DYNC2H1: variants seen among roughly 807,000 people sequenced by gnomAD.
DYNC2H1 encodes the protein dynein cytoplasmic 2 heavy chain 1, also known as cytoplasmic dynein 2 heavy chain 1.
A neutral mutation model predicts 570.0 loss-of-function variants in DYNC2H1; 410 were observed. The observed-to-expected ratio is 0.72, with a 90% CI of 0.66 to 0.78. DYNC2H1 has a LOEUF of 0.78. DYNC2H1 is among the 30% of genes least tolerant of loss of function. DYNC2H1 has a pLI of 0.00. For synonymous variants in DYNC2H1, 1,688 were observed against 1,677.6 expected (o/e 1.01, Z -0.15); for missense variants, 4,865 against 5,046.4 (o/e 0.96, Z 1.09).
At chr11:103,353,597 C>G (rs534146078) in intron 82 of DYNC2H1, among the ~76,000 whole-genome samples, 13 of 152,136 alleles carry the variant, frequency 8.5e-5, no homozygotes, top group Non-Finnish European at 1.5e-4. Flanking sequence ...TATAAAGATA[C>G]TTAGAATTAT....
chr11:103,469,463 G>A (rs531187876), intron 88 of DYNC2H1, among the ~76,000 whole-genome samples: 2 of 152,058 alleles, frequency 1.3e-5, no homozygotes, highest in African/African-American at 4.8e-5. Context: ...TTCATATATT[G>A]CTCACTACAA....
chr11:103,472,065 G>A lies in DYNC2H1; in HGVS notation c.12765+3360G>A, dbSNP rs1189117446. Reference sequence around the variant, plus strand: ...TGTAAATATATGCAGATAGAAAAGAGCTTAGGATATTCTGGGAACAGCAAG... The same window carrying A: ...TGTAAATATATGCAGATAGAAAAGAACTTAGGATATTCTGGGAACAGCAAG... On this transcript the variant is annotated intron_variant, in intron 88 of 88. Coordinates refer to ENST00000375735, the MANE Select transcript of DYNC2H1 (RefSeq NM_001377.3). This position sits in a 1 kb window ranked among gnomAD's most constrained non-coding sequence, Gnocchi z 4.1. 6.6e-6 allele frequency among the ~76,000 whole-genome samples: 1 copy of A among 152,200 alleles called. No homozygotes were observed.
At chr11:103,375,317 A>G (rs1236088544) in intron 83 of DYNC2H1, among the ~76,000 whole-genome samples, 4 of 152,192 alleles carry the variant, frequency 2.6e-5, no homozygotes, top group Non-Finnish European at 5.9e-5. Flanking sequence ...AACCTCTGCT[A>G]GGGCAGTGCA....
Position 103,465,703 on chromosome 11 carries a change from TCTCATACTGTAGGTAC to T in DYNC2H1, c.12649-2876_12649-2861del, listed in dbSNP as rs920067409. Reference sequence around the variant, plus strand: ...TGCTAGCTCAGTCCTTCACATGCCCTCTCATACTGTAGGTACCTCATACTGAGGTACCTCAGTCCTT... The same window carrying T: ...TGCTAGCTCAGTCCTTCACATGCCCTCTCATACTGAGGTACCTCAGTCCTT... On this transcript the variant is annotated intron_variant, in intron 87 of 88. Coordinates refer to ENST00000375735, the MANE Select transcript of DYNC2H1 (RefSeq NM_001377.3). This position sits in a 1 kb window ranked among gnomAD's most constrained non-coding sequence, Gnocchi z 4.9. Among the ~76,000 whole-genome samples the T allele has an allele frequency of 2.0e-5, 3 of 152,032 alleles. No individual in the cohort carries two copies. Among genetic ancestry groups the T allele is most frequent in the African/African-American group, 7.3e-5 (3 of 41,376 alleles).
chr11:103,290,474 C>A (rs753568029), intron 75 of DYNC2H1, among the ~76,000 whole-genome samples: 2 of 152,124 alleles, frequency 1.3e-5, no homozygotes, highest in Non-Finnish European at 2.9e-5. Context: ...ATCCACCTTT[C>A]TTTTGGTTGC....
At chr11:103,283,418 C>T (rs1380368475) in intron 73 of DYNC2H1, among the ~76,000 whole-genome samples, 1 of 152,140 alleles carries the variant, frequency 6.6e-6, no homozygotes, top group Admixed American at 6.6e-5. Context: ...CTGTGTTCTT[C>T]AACTACTCAG....
At chr11:103,246,909 C>G (rs549950502) in intron 65 of DYNC2H1, among the ~76,000 whole-genome samples, 2 of 152,034 alleles carry the variant, frequency 1.3e-5, no homozygotes, top group Non-Finnish European at 2.9e-5. Flanking sequence ...TACTTCTCTC[C>G]TACAAATTTA....
chr11:103,380,449 A>G (rs1305773117), intron 83 of DYNC2H1, among the ~76,000 whole-genome samples: 2 of 151,232 alleles, frequency 1.3e-5, no homozygotes, highest in Non-Finnish European at 3.0e-5. Flanking sequence ...ATACACACAC[A>G]AAAAAAGAGT....
intron 59 of DYNC2H1, among the ~76,000 whole-genome samples, chr11:103,230,697 T>G (rs1863971495): frequency 6.6e-6 from 1 of 152,202 alleles, no homozygotes; most frequent in African/African-American, 2.4e-5. Context: ...CATTTTAGCT[T>G]TTGGCTTTTT....
chr11:103,368,945 C>T (rs905519329), intron 83 of DYNC2H1, among the ~76,000 whole-genome samples: 2 of 152,230 alleles, frequency 1.3e-5, no homozygotes, highest in East Asian at 3.9e-4. Context: ...CTCCCCTCTA[C>T]CAACCCTGCA....
intron 31 of DYNC2H1, among the ~76,000 whole-genome samples, chr11:103,166,707 A>G (rs112347283): frequency 2.0e-5 from 3 of 152,124 alleles, no homozygotes; most frequent in African/African-American, 4.8e-5. Flanking sequence ...TTATTCTTCT[A>G]TAAGTAATAC....
chr11:103,463,529 C>T (rs1417456077), intron 87 of DYNC2H1, among the ~76,000 whole-genome samples: 1 of 152,136 alleles, frequency 6.6e-6, no homozygotes, highest in African/African-American at 2.4e-5. Flanking sequence ...GCAAGCAGAT[C>T]GCTTGAGCCC....
chr11:103,343,534 C>T (rs990419055), intron 82 of DYNC2H1, among the ~76,000 whole-genome samples: 1 of 152,078 alleles, frequency 6.6e-6, no homozygotes, highest in Non-Finnish European at 1.5e-5. Flanking sequence ...TTTAGGATCC[C>T]CCCTCAGGCA....
chr11:103,381,433 A>AT (rs1491143254), intron 83 of DYNC2H1, among the ~76,000 whole-genome samples: 3 of 151,892 alleles, frequency 2.0e-5, no homozygotes, highest in Non-Finnish European at 1.5e-5. Context: ...AATATCTTTT[A>AT]TTTATTTTAT....
chr11:103,322,826 G>A (rs1030812374), intron 81 of DYNC2H1, among the ~76,000 whole-genome samples: 11 of 152,128 alleles, frequency 7.2e-5, no homozygotes, highest in Non-Finnish European at 1.3e-4. Context: ...TGTTTCCCAC[G>A]ATAATACATG....
intron 83 of DYNC2H1, among the ~76,000 whole-genome samples, chr11:103,376,503 G>A (rs1591649003): frequency 6.6e-6 from 1 of 151,936 alleles, no homozygotes; most frequent in East Asian, 1.9e-4. Flanking sequence ...TCACCATAGG[G>A]CTAACATAAA....
chr11:103,118,002 G>T, intron 6 of DYNC2H1, 139 bp downstream of exon 6: 3 of 634,876 alleles, frequency 4.7e-6, no homozygotes, highest in East Asian at 6.1e-5. Flanking sequence ...TAAAGTTCTT[G>T]TTGGGCCAGT....
rs61340242 is a variant in DYNC2H1 at position 103,370,660 on chromosome 11, G to T, written c.12156+12301G>T. Among the ~76,000 whole-genome samples, 385 of 152,290 alleles carry T rather than the reference G, an allele frequency of 2.5e-3. 5 individuals are homozygous for T. In the East Asian group the frequency reaches 0.054, roughly 21 times the overall value. On this transcript the variant is annotated intron_variant, in intron 83 of 88. Transcript: ENST00000375735. ...TTTCATTGGGGTGAAAATAAGGGAA[G>T]AGAACAAGAGTCCCTGCCTGATAAT...
intron 84 of DYNC2H1, chr11:103,402,635 C>T (rs189153795): frequency 5.9e-5 from 9 of 152,070 alleles, no homozygotes; most frequent in Admixed American, 1.3e-4. Flanking sequence ...AAGACATAAG[C>T]CTGAATAAGG....
Sources: gnomAD v4.1 joint callset for allele counts (sites outside exome capture counted in the v4.1 genomes callset) on GRCh38, gnomAD v4.1.1 for gene constraint, Gnocchi (gnomAD v3.1) non-coding constraint, MANE v1.5 for transcripts, NCBI Gene and HGNC (gene_info 2026-07-23, HGNC 2026-07-21) for gene names.